Variants in CHIC2 observed in about 807,000 individuals in gnomAD.
The protein encoded by CHIC2 is cysteine rich hydrophobic domain 2, also known as cysteine-rich hydrophobic domain-containing protein 2.
In CHIC2, 14 loss-of-function variants were observed where a neutral mutation model predicts 25.9. The observed-to-expected ratio is 0.54, with a 90% confidence interval of 0.36 to 0.85. The LOEUF (loss-of-function observed/expected upper bound fraction) is 0.85, where lower values mean the gene tolerates loss of function less well. CHIC2 is among the 40% of genes least tolerant of loss of function. The pLI is 0.01. For synonymous variants in CHIC2, 70 were observed against 72.0 expected (o/e 0.97, Z 0.14); for missense variants, 146 against 202.0 (o/e 0.72, Z 1.68).
chr4:54,057,060 A>G (rs1162239238), intron 1 of CHIC2, among the ~76,000 whole-genome samples: 1 of 152,204 alleles, frequency 6.6e-6, no homozygotes, highest in Non-Finnish European at 1.5e-5. Flanking sequence ...ATTTAACCTC[A>G]GCCTACACAA....
chr4:54,031,763 G>A (rs2110071682), intron 3 of CHIC2, among the ~76,000 whole-genome samples: 1 of 152,056 alleles, frequency 6.6e-6, no homozygotes, highest in East Asian at 1.9e-4. Flanking sequence ...GGGATTACAG[G>A]CACGTGTCAC....
At chr4:54,031,004 T>A (rs1716213043) in intron 3 of CHIC2, among the ~76,000 whole-genome samples, 2 of 151,864 alleles carry the variant, frequency 1.3e-5, no homozygotes, top group Non-Finnish European at 2.9e-5. Flanking sequence ...CTCAGCCTCT[T>A]GTGTAGCTGG....
intron 1 of CHIC2, among the ~76,000 whole-genome samples, chr4:54,062,845 T>C (rs1717378408): frequency 6.6e-6 from 1 of 152,196 alleles, no homozygotes; most frequent in African/African-American, 2.4e-5. Flanking sequence ...CTGTGATATA[T>C]GTTAAAAGTT....
At chr4:54,049,883 A>G (rs1454390654) in intron 1 of CHIC2, among the ~76,000 whole-genome samples, 1 of 152,152 alleles carries the variant, frequency 6.6e-6, no homozygotes, top group Non-Finnish European at 1.5e-5. Flanking sequence ...GGTATGAAAG[A>G]AAATGTAGAC....
chr4:54,072,097 A>G, the CHIC2 span, among the ~76,000 whole-genome samples: 8 of 152,132 alleles, frequency 5.3e-5, no homozygotes, highest in Non-Finnish European at 2.9e-5. Context: ...GTTCTAGACC[A>G]TCCTGGCCAA....
At chr4:54,076,047 G>T in the CHIC2 span, among the ~76,000 whole-genome samples, 1 of 152,046 alleles carries the variant, frequency 6.6e-6, no homozygotes, top group Non-Finnish European at 1.5e-5. Context: ...AGCACTTTGG[G>T]CAGCTGAGGC....
upstream of CHIC2, among the ~76,000 whole-genome samples, chr4:54,066,142 G>A (rs1717513546): frequency 6.6e-6 from 1 of 152,124 alleles, no homozygotes; most frequent in African/African-American, 2.4e-5. Context: ...AGCTTGGTCT[G>A]GTGTTTAACA....
chr4:54,019,101 T>C (rs2110062553), intron 3 of CHIC2, among the ~76,000 whole-genome samples: 1 of 152,080 alleles, frequency 6.6e-6, no homozygotes, highest in Admixed American at 6.5e-5. Flanking sequence ...TATTTTAACA[T>C]AAGAGAACTT....
upstream of CHIC2, among the ~76,000 whole-genome samples, chr4:54,067,924 C>G (rs556673252): frequency 8.6e-5 from 13 of 150,726 alleles, no homozygotes; most frequent in Non-Finnish European, 1.8e-4. Flanking sequence ...TTTTGTCCCC[C>G]CCCCCAAATT....
At chr4:54,023,702 T>C (rs377207966) in intron 3 of CHIC2, among the ~76,000 whole-genome samples, 3 of 152,326 alleles carry the variant, frequency 2.0e-5, no homozygotes, top group Non-Finnish European at 2.9e-5. Context: ...ACATCTATCA[T>C]TGAGGCTACC....
At chr4:54,068,814 A>C (rs928394189), upstream of CHIC2, among the ~76,000 whole-genome samples, 3 of 152,142 alleles carry the variant, frequency 2.0e-5, no homozygotes, top group Non-Finnish European at 2.9e-5. Flanking sequence ...CTCAGTCCGC[A>C]AGACTGCACC....
At chr4:54,017,577 G>A (rs1282039104) in intron 3 of CHIC2, among the ~76,000 whole-genome samples, 4 of 152,036 alleles carry the variant, frequency 2.6e-5, no homozygotes, top group East Asian at 1.9e-4. Context: ...ACAGGTTAGC[G>A]GTTCTTTACC....
At chr4:54,046,528 G>A (rs1464636319) in intron 3 of CHIC2, among the ~76,000 whole-genome samples, 4 of 152,082 alleles carry the variant, frequency 2.6e-5, no homozygotes, top group Non-Finnish European at 5.9e-5. Flanking sequence ...TGACAAACCT[G>A]ACAAAAACAA....
intron 3 of CHIC2, among the ~76,000 whole-genome samples, chr4:54,045,350 A>T (rs1010232533): frequency 6.6e-6 from 1 of 152,234 alleles, no homozygotes; most frequent in Non-Finnish European, 1.5e-5. Context: ...CAACAAAAAA[A>T]GAGAATTTTA....
At chr4:54,030,505 A>G (rs1480399625) in intron 3 of CHIC2, among the ~76,000 whole-genome samples, 10 of 148,366 alleles carry the variant, frequency 6.7e-5, no homozygotes, top group African/African-American at 2.3e-4. Context: ...TCTGGGCAAG[A>G]GAGTCCCTAT....
At chr4:54,061,979 G>A (rs1031104029) in intron 1 of CHIC2, among the ~76,000 whole-genome samples, 16 of 152,080 alleles carry the variant, frequency 1.1e-4, no homozygotes, top group African/African-American at 3.6e-4. Context: ...TATATCTGAG[G>A]AGGAGAATAA....
Position 54,064,539 on chromosome 4 carries a change from A to G in CHIC2, c.-239T>C, listed in dbSNP as rs886490504. On this transcript the variant is annotated 5_prime_UTR_variant, in exon 1 of 6. Transcript: ENST00000263921. The surrounding 1 kb of genome is among the most constrained non-coding windows in gnomAD (Gnocchi z 4.2). Reference sequence around the variant, plus strand: ...AACAACACAATGTCAACATCCGCCCAGAGGCCGACACCTCCACAAGCACAG... The same window carrying G: ...AACAACACAATGTCAACATCCGCCCGGAGGCCGACACCTCCACAAGCACAG... The G allele has an allele frequency of 9.6e-6, 13 of 1,358,362 alleles. No homozygotes were observed. In the South Asian group the frequency reaches 1.5e-4, roughly 15 times the overall value. The allele number at this position is 1,358,362 out of a possible 1,614,324, so 84.1% of individuals were successfully genotyped here.
the CHIC2 span, among the ~76,000 whole-genome samples, chr4:54,069,814 C>T: frequency 1.3e-5 from 2 of 152,230 alleles, no homozygotes; most frequent in Non-Finnish European, 2.9e-5. Context: ...TTTGTTCACT[C>T]ATTCATTCAT....
intron 1 of CHIC2, among the ~76,000 whole-genome samples, chr4:54,053,232 T>A (rs867071581): frequency 6.6e-5 from 10 of 152,250 alleles, no homozygotes; most frequent in Non-Finnish European, 1.2e-4. Context: ...AGGAGTGCCA[T>A]CTGGTAGTAT....
Sources: gnomAD v4.1 joint callset for allele counts (sites outside exome capture counted in the v4.1 genomes callset) on GRCh38, gnomAD v4.1.1 for gene constraint, Gnocchi (gnomAD v3.1) non-coding constraint, MANE v1.5 for transcripts, NCBI Gene and HGNC (gene_info 2026-07-23, HGNC 2026-07-21) for gene names.